Variants in SLIT3 observed in about 807,000 individuals in gnomAD.
The protein encoded by SLIT3 is slit homolog 3 protein.
A neutral mutation model predicts 184.0 loss-of-function variants in SLIT3; 68 were observed. The ratio of observed to expected loss-of-function variants is 0.37; its 90% CI spans 0.30 to 0.45. The LOEUF is 0.45. Among genes scored for constraint, SLIT3 ranks in the 20% least tolerant of loss-of-function variants. The pLI, the probability that SLIT3 is intolerant of heterozygous loss-of-function variation, is 1.00. For synonymous variants in SLIT3, 831 were observed against 828.6 expected (o/e 1.00, Z -0.05); for missense variants, 1,707 against 2,026.0 (o/e 0.84, Z 3.02).
chr5:168,879,223 GT>G (rs1170400612), intron 5 of SLIT3, among the ~76,000 whole-genome samples: 9 of 152,308 alleles, frequency 5.9e-5, no homozygotes, highest in Admixed American at 3.3e-4. Flanking sequence ...AGTCTTTAAG[GT>G]AATAGTGGAA....
intron 4 of SLIT3, among the ~76,000 whole-genome samples, chr5:168,981,066 A>G (rs1754929240): frequency 6.6e-6 from 1 of 152,196 alleles, no homozygotes; most frequent in South Asian, 2.1e-4. Context: ...CCAAAAAGAT[A>G]TTTTTTTAAA....
At chr5:168,759,074 A>G (rs1346370062) in intron 16 of SLIT3, among the ~76,000 whole-genome samples, 1 of 152,184 alleles carries the variant, frequency 6.6e-6, no homozygotes, top group Non-Finnish European at 1.5e-5. Flanking sequence ...GCCTCATGAC[A>G]TCTCATTGTG....
chr5:168,807,521 G>T (rs913159240), intron 8 of SLIT3, among the ~76,000 whole-genome samples: 2 of 152,064 alleles, frequency 1.3e-5, no homozygotes, highest in East Asian at 1.9e-4. Context: ...CAAAACAGAA[G>T]CCCAACCCCA....
intron 3 of SLIT3, among the ~76,000 whole-genome samples, chr5:169,233,544 C>T (rs1361731559): frequency 1.3e-5 from 2 of 152,054 alleles, no homozygotes; most frequent in African/African-American, 4.8e-5. Flanking sequence ...AGCCTTTGTG[C>T]ACCTAACAAC....
At chr5:169,222,391 A>G (rs923427114) in intron 3 of SLIT3, among the ~76,000 whole-genome samples, 1 of 152,060 alleles carries the variant, frequency 6.6e-6, no homozygotes, top group Admixed American at 6.6e-5. Context: ...AAGTCAATAG[A>G]CTCCATTGTG....
At chr5:169,025,034 C>A (rs1756759551) in intron 4 of SLIT3, 1 of 152,128 alleles carries the variant, frequency 6.6e-6, no homozygotes, top group East Asian at 1.9e-4. Flanking sequence ...GAGACCAGGT[C>A]TGAATGGAAG....
In SLIT3 at chr5:168,748,283, GGC is replaced by G; in HGVS notation, c.2270+17_2270+18del. On this transcript the variant is annotated intron_variant, in intron 20 of 35. Coordinates refer to ENST00000519560, the MANE Select transcript of SLIT3 (RefSeq NM_003062.4). ...GTGGTGAGATGACAGGGTGCTTGGA[GGC>G]AGCTGGGGGTACTTACAGCTCGGTC... is the stretch of plus-strand genomic sequence containing the variant. 6.9e-7 allele frequency: 1 copy of G among 1,452,002 alleles called. No individual in the cohort carries two copies. Among genetic ancestry groups the G allele is most frequent in the South Asian group, 1.5e-5 (1 of 65,256 alleles). 89.9% of individuals were successfully genotyped at this position (1,452,002 alleles called of 1,614,324 possible). A position where few individuals can be genotyped will look rare whatever the true frequency, so the allele number is the denominator to read the frequency against.
intron 1 of SLIT3, among the ~76,000 whole-genome samples, chr5:169,266,689 G>A (rs1350488057): frequency 6.6e-6 from 1 of 152,148 alleles, no homozygotes; most frequent in African/African-American, 2.4e-5. Flanking sequence ...TGATATATCT[G>A]GGCTTATTTG....
intron 3 of SLIT3, among the ~76,000 whole-genome samples, chr5:169,225,105 G>A (rs1764759954): frequency 6.6e-6 from 1 of 152,194 alleles, no homozygotes. Context: ...ATAATTGGCT[G>A]CTGGGAATTC....
In SLIT3 at chr5:168,756,135, C is replaced by A. The variant is rs148222650; in HGVS notation, c.1686-2128G>T. 8.5e-5 allele frequency among the ~76,000 whole-genome samples: 13 copies of A among 152,238 alleles called. No homozygotes were observed. The East Asian group carries it at 2.3e-3, about 27-fold the overall frequency. ...CGAAAGCTGGCAGAATTGGCGGGCT[C>A]GCAGAGATAGACCAGGACCATTTTA... On this transcript the variant is annotated intron_variant, in intron 16 of 35. Transcript: ENST00000519560.
chr5:168,969,571 C>T (rs552717408), intron 4 of SLIT3, among the ~76,000 whole-genome samples: 10 of 152,238 alleles, frequency 6.6e-5, no homozygotes, highest in African/African-American at 2.2e-4. Context: ...TGAAAACAGC[C>T]ATAAAGCTAT....
intron 3 of SLIT3, among the ~76,000 whole-genome samples, chr5:169,206,958 G>A (rs1764089050): frequency 6.6e-6 from 1 of 151,402 alleles, no homozygotes; most frequent in Non-Finnish European, 1.5e-5. Flanking sequence ...GAGAACTGTA[G>A]GATGGAAAGG....
chr5:169,211,733 G>A lies in SLIT3; in HGVS notation c.342-18183C>T, dbSNP rs529297046. ...TATACACGTGCCTTGGGGGGTTCCC[G>A]CACCCATTGAACTGTCACCTACACT... On this transcript the variant is annotated intron_variant, in intron 3 of 35. Transcript: ENST00000519560. Among the ~76,000 whole-genome samples the A allele has an allele frequency of 3.3e-5, 5 of 152,182 alleles. No individual in the cohort carries two copies. The East Asian group carries it at 5.8e-4, about 18-fold the overall frequency.
intron 14 of SLIT3, among the ~76,000 whole-genome samples, chr5:168,764,413 C>T (rs555398670): frequency 6.6e-6 from 1 of 152,328 alleles, no homozygotes; most frequent in South Asian, 2.1e-4. Context: ...AGGCTGCTGT[C>T]TGGTTCCATG....
At chr5:169,290,792 G>A (rs1026992907) in intron 1 of SLIT3, among the ~76,000 whole-genome samples, 6 of 140,528 alleles carry the variant, frequency 4.3e-5, no homozygotes, top group South Asian at 2.4e-4. Flanking sequence ...TAGGGCACAC[G>A]CTAGGGCATA....
At chr5:168,703,426 G>A (rs561923552) in intron 26 of SLIT3, among the ~76,000 whole-genome samples, 1 of 152,222 alleles carries the variant, frequency 6.6e-6, no homozygotes, top group South Asian at 2.1e-4. Context: ...CCTGAGCTCC[G>A]CCTCCTTTCA....
chr5:169,042,512 A>G (rs568752394), intron 4 of SLIT3, among the ~76,000 whole-genome samples: 2 of 152,310 alleles, frequency 1.3e-5, no homozygotes, highest in East Asian at 3.9e-4. Flanking sequence ...TAGGGTTATA[A>G]TTGAGATCCT....
At chr5:169,240,499 A>AATATATTTTC (rs777102249) in intron 3 of SLIT3, among the ~76,000 whole-genome samples, 9 of 150,362 alleles carry the variant, frequency 6.0e-5, no homozygotes, top group Non-Finnish European at 1.3e-4. Flanking sequence ...CTTTATATCT[A>AATATATTTTC]ATATATTTTC....
chr5:168,965,164 G>T (rs542888738), intron 4 of SLIT3, among the ~76,000 whole-genome samples: 73 of 152,278 alleles, frequency 4.8e-4, no homozygotes, highest in Non-Finnish European at 9.0e-4. Context: ...GGGTAGAAAT[G>T]ATCTCCTTCA....
Sources: gnomAD v4.1 joint callset for allele counts (sites outside exome capture counted in the v4.1 genomes callset) on GRCh38, gnomAD v4.1.1 for gene constraint, MANE v1.5 for transcripts, NCBI Gene and HGNC (gene_info 2026-07-23, HGNC 2026-07-21) for gene names.